Variants in SULF2 observed in about 807,000 individuals in gnomAD.
The protein encoded by SULF2 is sulfatase 2.
A neutral mutation model predicts 107.7 loss-of-function variants in SULF2; 52 were observed. The ratio of observed to expected loss-of-function variants is 0.48; its 90% CI spans 0.39 to 0.61. SULF2 has a LOEUF of 0.61. SULF2 is among the 20% of genes least tolerant of loss of function. The probability of loss-of-function intolerance (pLI) is 0.00; values close to 1 mark genes in which losing one functional copy is unlikely to be tolerated. For synonymous variants in SULF2, 460 were observed against 464.3 expected, an observed-to-expected ratio of 0.99 and a Z score of 0.12; for missense variants, 993 against 1,177.3, an observed-to-expected ratio of 0.84 and a Z score of 2.29.
Position 47,665,221 on chromosome 20 carries a change from C to T in SULF2, c.1975G>A (p.Glu659Lys), listed in dbSNP as rs1308129487. 6.2e-7 allele frequency: 1 copy of T among 1,614,056 alleles called. No individual in the cohort carries two copies. The highest frequency in any genetic ancestry group is 1.7e-5 in the Admixed American group (1 of 60,028). ...CACCTGATTTTGTGACAGTCACATTCTTCTGGCCGCTTTTTCTTCAGGTGA... is the reference window on the plus strand; with the variant it reads ...CACCTGATTTTGTGACAGTCACATTTTTCTGGCCGCTTTTTCTTCAGGTGA... ...RGHLKKKRPE[E>K]CDCHKISYHT... Residue 659 changes from glutamate to lysine, a missense_variant, in exon 14 of 21, where the codon GAA (glutamate) becomes AAA (lysine). Transcript: ENST00000688720.
intron 11 of SULF2, among the ~76,000 whole-genome samples, chr20:47,667,176 G>T (rs1048407959): frequency 6.6e-6 from 1 of 152,180 alleles, no homozygotes; most frequent in Non-Finnish European, 1.5e-5. Context: ...TATCATGGAT[G>T]TAAAAATGTT....
Position 47,690,186 on chromosome 20 carries a change from T to TG in SULF2, c.676dup (p.His226ProfsTer4), listed in dbSNP as rs774011241. On this transcript the variant is annotated frameshift_variant, in exon 5 of 21. Transcript: ENST00000688720. LOFTEE classifies it high-confidence loss of function. ...TTGTGGGGCTGAATCCTCAGGGCCG[T>TG]GGGGGGCTGCATGGCTGATGACCAT... The TG allele has an allele frequency of 3.8e-6, 6 of 1,566,534 alleles. No homozygotes were observed. Among genetic ancestry groups the TG allele is most frequent in the South Asian group, 1.2e-5 (1 of 85,080 alleles).
In SULF2 at chr20:47,785,435, G is replaced by GCGCCGCCGCTGCCGCTGCCGCCGCCGC. The variant is rs1249574787; in HGVS notation, c.-220_-194dup. On this transcript the variant is annotated 5_prime_UTR_variant, in exon 1 of 21. Transcript: ENST00000688720. ...CGGGCCGCTGGGCGCAGGGGACTCC[G>GCGCCGCCGCTGCCGCTGCCGCCGCCGC]CGCCGCCGCTGCCGCTGCCGCCGCC... 4 of 151,620 alleles carry GCGCCGCCGCTGCCGCTGCCGCCGCCGC rather than the reference G, an allele frequency of 2.6e-5. No individual in the cohort carries two copies. The highest frequency in any genetic ancestry group is 1.8e-4 in the South Asian group (1 of 5,576). The allele number at this position is 151,620 out of a possible 1,614,324, so 9.4% of individuals were successfully genotyped here. A position where few individuals can be genotyped will look rare whatever the true frequency, so the allele number is the denominator to read the frequency against.
In SULF2 at chr20:47,702,545, C is replaced by G. The variant is rs138130373; in HGVS notation, c.541G>C (p.Glu181Gln). ...NYTLCRNGVK[E>Q]KHGSDYSKDY... Reference sequence around the variant, plus strand: ...TTGGAGTAGTCGGAGCCGTGCTTCTCTTTCACCCCGTTCCGACACAGCGTG... The same window carrying G: ...TTGGAGTAGTCGGAGCCGTGCTTCTGTTTCACCCCGTTCCGACACAGCGTG... Residue 181 changes from glutamate to glutamine, a missense_variant, in exon 4 of 21, where the codon GAG becomes CAG. By Grantham distance (29) the Glu-to-Gln change is conservative (BLOSUM62 2). This residue lies in a region of SULF2 where 388 missense variants were observed against 449.2 expected (regional missense o/e 0.86). Coordinates refer to ENST00000688720, the MANE Select transcript of SULF2 (RefSeq NM_001387048.1). The G allele has an allele frequency of 1.2e-6, 2 of 1,612,896 alleles. No homozygotes were observed. The highest frequency in any genetic ancestry group is 1.7e-6 in the Non-Finnish European group (2 of 1,180,022).
At position 47,678,378 on chromosome 20, in the gene SULF2, C is replaced by T. The variant is rs1266800758; in HGVS notation, c.1193+298G>A. The T allele has an allele frequency of 8.6e-6, 3 of 350,256 alleles. No individual in the cohort carries two copies. The South Asian group carries it at 1.1e-4, about 13-fold the overall frequency. 21.7% of individuals were successfully genotyped at this position (350,256 alleles called of 1,614,324 possible). ...AGAATAGGGCCTCACACACAAGCGCCGTGCAGTTAGCACCATCTCCTACCA... is the reference window on the plus strand; with the variant it reads ...AGAATAGGGCCTCACACACAAGCGCTGTGCAGTTAGCACCATCTCCTACCA... On this transcript the variant is annotated intron_variant, in intron 8 of 20. Transcript: ENST00000688720. The surrounding 1 kb of genome is among the most constrained non-coding windows in gnomAD (Gnocchi z 4.5).
intron 3 of SULF2, among the ~76,000 whole-genome samples, chr20:47,723,215 G>A (rs1308299768): frequency 6.6e-6 from 1 of 151,636 alleles, no homozygotes; most frequent in South Asian, 2.1e-4. Context: ...CTGTACTCCA[G>A]CCTGGGTGGC....
chr20:47,716,539 C>G (rs1399019179), intron 3 of SULF2, among the ~76,000 whole-genome samples: 1 of 152,116 alleles, frequency 6.6e-6, no homozygotes, highest in East Asian at 1.9e-4. Flanking sequence ...ATATTTTTCC[C>G]AAACAAAATA....
intron 1 of SULF2, among the ~76,000 whole-genome samples, chr20:47,768,381 CAT>C (rs1406992881): frequency 6.6e-6 from 1 of 152,238 alleles, no homozygotes; most frequent in African/African-American, 2.4e-5. Flanking sequence ...TCAGTTTCCC[CAT>C]ACTTTTGACT....
intron 11 of SULF2, among the ~76,000 whole-genome samples, chr20:47,669,120 C>T (rs2087378596): frequency 6.6e-6 from 1 of 152,334 alleles, no homozygotes; most frequent in African/African-American, 2.4e-5. Context: ...TTGTTTCATC[C>T]ATGAGGTCCA....
At chr20:47,676,998 G>T in intron 9 of SULF2, 80 bp downstream of exon 9, 1 of 1,481,430 alleles carries the variant, frequency 6.8e-7, no homozygotes, top group Non-Finnish European at 9.3e-7. Context: ...TGAATAGCAT[G>T]ATGCGGTGGG....
chr20:47,710,577 T>G (rs2088894016), intron 3 of SULF2, among the ~76,000 whole-genome samples: 1 of 151,824 alleles, frequency 6.6e-6, no homozygotes, highest in South Asian at 2.1e-4. Context: ...TTTCTCAGCA[T>G]GTATCCCCAT....
At chr20:47,770,485 G>A (rs928119133) in intron 1 of SULF2, among the ~76,000 whole-genome samples, 4 of 152,158 alleles carry the variant, frequency 2.6e-5, no homozygotes, top group South Asian at 2.1e-4. Context: ...AGAGGTGGAC[G>A]GTTTCTGAAT....
chr20:47,682,967 T>C (rs370702879), intron 7 of SULF2, 27 bp downstream of exon 7: 5 of 1,563,324 alleles, frequency 3.2e-6, no homozygotes, highest in Non-Finnish European at 4.3e-6. Flanking sequence ...GGGGCCTCCC[T>C]GGGTCCCTGG....
chr20:47,759,174 C>T (rs964224584), intron 1 of SULF2, among the ~76,000 whole-genome samples: 21 of 152,228 alleles, frequency 1.4e-4, no homozygotes, highest in African/African-American at 4.8e-4. Flanking sequence ...AGGCACTCGC[C>T]TCACCTTAGT....
chr20:47,765,374 A>AAC (rs138866477), intron 1 of SULF2, among the ~76,000 whole-genome samples: 13,503 of 113,754 alleles, frequency 0.12, 693 homozygotes, highest in South Asian at 0.27. Context: ...AACAAAACAA[A>AAC]AAAAAAAAAA....
At chr20:47,669,513 T>C (rs915998231) in intron 11 of SULF2, among the ~76,000 whole-genome samples, 6 of 152,112 alleles carry the variant, frequency 3.9e-5, no homozygotes, top group African/African-American at 1.4e-4. Context: ...TTGCCAAGTG[T>C]CCCCTGGGGG....
At chr20:47,782,971 T>A (rs897749745) in intron 1 of SULF2, among the ~76,000 whole-genome samples, 1 of 152,212 alleles carries the variant, frequency 6.6e-6, no homozygotes, top group Admixed American at 6.5e-5. Flanking sequence ...TGGTTCCAAG[T>A]GGACCCCGGA....
intron 1 of SULF2, among the ~76,000 whole-genome samples, chr20:47,768,880 G>GGGT (rs2090574421): frequency 8.7e-6 from 1 of 115,178 alleles, no homozygotes; most frequent in South Asian, 4.4e-4. Flanking sequence ...GTTTGTGTGC[G>GGGT]TGTTTTTTTT....
At chr20:47,760,649 C>G (rs927436522) in intron 1 of SULF2, among the ~76,000 whole-genome samples, 9 of 152,180 alleles carry the variant, frequency 5.9e-5, no homozygotes, top group African/African-American at 2.2e-4. Context: ...CTATGTCAGG[C>G]TGGCCAGGAC....
Sources: allele counts gnomAD v4.1 joint callset (sites outside exome capture counted in the v4.1 genomes callset), GRCh38; gene constraint gnomAD v4.1.1; regional missense constraint gnomAD v4.1.1; non-coding constraint Gnocchi (gnomAD v3.1); transcripts MANE v1.5; gene names NCBI Gene and HGNC (gene_info 2026-07-23, HGNC 2026-07-21).